UNC13B: variants seen among roughly 807,000 people sequenced by gnomAD.
UNC13B encodes protein unc-13 homolog B.
A neutral mutation model predicts 211.0 loss-of-function variants in UNC13B; 144 were observed. That is an observed-to-expected ratio of 0.68 (90% CI 0.60 to 0.78). The LOEUF is 0.78. Among genes scored for constraint, UNC13B ranks in the 30% least tolerant of loss-of-function variants. UNC13B has a pLI of 0.00. For synonymous variants in UNC13B, 709 were observed against 725.8 expected, an observed-to-expected ratio of 0.98 and a Z score of 0.37; for missense variants, 1,777 against 2,002.0, an observed-to-expected ratio of 0.89 and a Z score of 2.14.
intron 11 of UNC13B, among the ~76,000 whole-genome samples, chr9:35,328,638 TCCTTCCTTCCTTCCTTCCTTCCTTCCTC>T (rs1564139372): frequency 6.4e-5 from 6 of 94,122 alleles, no homozygotes; most frequent in African/African-American, 1.4e-4. Flanking sequence ...CTTCCTTCCT[TCCTTCCTTCCTTCCTTCCTTCCTTCCTC>T]CCTCCCTTCC....
At chr9:35,334,214 C>T (rs1831526683) in intron 11 of UNC13B, among the ~76,000 whole-genome samples, 1 of 152,216 alleles carries the variant, frequency 6.6e-6, no homozygotes, top group South Asian at 2.1e-4. Context: ...GATCTGCCCG[C>T]TCTGGCCTCC....
At chr9:35,382,132 AC>A (rs892514959) in intron 20 of UNC13B, among the ~76,000 whole-genome samples, 1 of 152,170 alleles carries the variant, frequency 6.6e-6, no homozygotes, top group African/African-American at 2.4e-5. Context: ...TATGGAGTTG[AC>A]CAGGACTCCT....
intron 1 of UNC13B, among the ~76,000 whole-genome samples, chr9:35,169,167 A>G (rs570319595): frequency 6.6e-6 from 1 of 152,324 alleles, no homozygotes; most frequent in South Asian, 2.1e-4. Context: ...CCTGGGCAAC[A>G]TAGCAAGACC....
Position 35,180,789 on chromosome 9 carries a change from G to A in UNC13B, c.22+18484G>A, listed in dbSNP as rs143582453. Among the ~76,000 whole-genome samples, 674 of 152,146 alleles carry A rather than the reference G, an allele frequency of 4.4e-3. 7 individuals carry two copies. The highest frequency in any genetic ancestry group is 0.015 in the African/African-American group (638 of 41,496). On this transcript the variant is annotated intron_variant, in intron 1 of 39. Coordinates refer to ENST00000635942, the MANE Select transcript of UNC13B (RefSeq NM_001371189.2). ...GAAATCAATTAAGTGGGTGACCAGCGTTAGGGGAAAAAGATACAGAGTTTT... is the reference window on the plus strand; with the variant it reads ...GAAATCAATTAAGTGGGTGACCAGCATTAGGGGAAAAAGATACAGAGTTTT...
intron 11 of UNC13B, among the ~76,000 whole-genome samples, chr9:35,341,553 C>T (rs983031998): frequency 1.3e-5 from 2 of 152,104 alleles, no homozygotes; most frequent in Non-Finnish European, 2.9e-5. Context: ...AGACTAGGAG[C>T]TCCTGAAAGT....
chr9:35,261,843 A>G (rs1403758931), intron 7 of UNC13B, among the ~76,000 whole-genome samples: 1 of 152,034 alleles, frequency 6.6e-6, no homozygotes, highest in Non-Finnish European at 1.5e-5. Flanking sequence ...TTTAATTTTT[A>G]GCTCCCACAA....
intron 11 of UNC13B, among the ~76,000 whole-genome samples, chr9:35,363,871 A>G (rs1833593650): frequency 6.6e-6 from 1 of 152,156 alleles, no homozygotes; most frequent in African/African-American, 2.4e-5. Context: ...TTGGGATTGC[A>G]GTCATGGTTT....
In UNC13B at chr9:35,381,921, G is replaced by A. The variant is rs139783264; in HGVS notation, c.10655+202G>A. 9.0e-3 allele frequency among the ~76,000 whole-genome samples: 1,365 copies of A among 152,286 alleles called. 8 individuals carry two copies. The highest frequency in any genetic ancestry group is 0.016 in the Non-Finnish European group (1,111 of 68,004). Reference sequence around the variant, plus strand: ...AAGAATGTTGTAACTCACAGAAAAGGTATTTCTGTCTGCCTCAGAGTTGAG... The same window carrying A: ...AAGAATGTTGTAACTCACAGAAAAGATATTTCTGTCTGCCTCAGAGTTGAG... On this transcript the variant is annotated intron_variant, in intron 20 of 39. Coordinates refer to ENST00000635942, the MANE Select transcript of UNC13B (RefSeq NM_001371189.2).
At chr9:35,341,938 A>G in intron 11 of UNC13B, 11 of 985,600 alleles carry the variant, frequency 1.1e-5, no homozygotes, top group Non-Finnish European at 8.4e-6. Context: ...TTCCACATCC[A>G]GTTGAAGTTT....
intron 1 of UNC13B, among the ~76,000 whole-genome samples, chr9:35,224,983 C>G (rs967481505): frequency 6.6e-6 from 1 of 150,916 alleles, no homozygotes; most frequent in Non-Finnish European, 1.5e-5. Flanking sequence ...ATTCAACATC[C>G]CTTCATCATA....
chr9:35,404,126 G>T lies in UNC13B; in HGVS notation c.*93G>T. On this transcript the variant is annotated 3_prime_UTR_variant, in exon 40 of 40. Transcript: ENST00000635942. ...GTGTAACCGGCTTAGGGTCTTTGCAGTCAAGAGGCTGACCCCTTCAGTTAA... is the reference window on the plus strand; with the variant it reads ...GTGTAACCGGCTTAGGGTCTTTGCATTCAAGAGGCTGACCCCTTCAGTTAA... 6.7e-7 allele frequency: 1 copy of T among 1,484,930 alleles called. No homozygotes were observed. Among genetic ancestry groups the T allele is most frequent in the Non-Finnish European group, 9.0e-7 (1 of 1,111,034 alleles). 92.0% of individuals were successfully genotyped at this position (1,484,930 alleles called of 1,614,324 possible).
chr9:35,172,907 G>A (rs1392552123), intron 1 of UNC13B, among the ~76,000 whole-genome samples: 2 of 152,126 alleles, frequency 1.3e-5, no homozygotes, highest in Non-Finnish European at 2.9e-5. Flanking sequence ...GGAAATATAG[G>A]TTTCCAAAAA....
chr9:35,381,576 A>C lies in UNC13B; in HGVS notation c.10512A>C (p.Thr3504=). 6.2e-7 allele frequency: 1 copy of C among 1,613,902 alleles called. No homozygotes were observed. The highest frequency in any genetic ancestry group is 8.5e-7 in the Non-Finnish European group (1 of 1,179,848). ...TGCAGAATCTTTTCCATTACCTCAC[A>C]GACATTCAGGGCAGTGGAGGAGTCC... The part of the protein sequence containing the change: ...CLHENLFHYL[T]DIQGSGGVRI... The change falls in exon 20 of 40, where the codon ACA becomes ACC. Residue 3504 remains threonine (T), a synonymous_variant. Coordinates refer to ENST00000635942, the MANE Select transcript of UNC13B (RefSeq NM_001371189.2).
At chr9:35,313,864 T>C in intron 10 of UNC13B, 35 bp from the exon 11 acceptor site, 1 of 1,562,292 alleles carries the variant, frequency 6.4e-7, no homozygotes, top group Non-Finnish European at 8.8e-7. Flanking sequence ...TGGCCTTGGC[T>C]ATTTTTAAGA....
intron 18 of UNC13B, 56 bp downstream of exon 18, chr9:35,380,695 G>T: frequency 6.2e-7 from 1 of 1,606,104 alleles, no homozygotes; most frequent in Non-Finnish European, 8.5e-7. Context: ...AAGGGGACCT[G>T]GGAATAGTCC....
chr9:35,358,702 T>C (rs1226723267), intron 11 of UNC13B, among the ~76,000 whole-genome samples: 1 of 150,108 alleles, frequency 6.7e-6, no homozygotes, highest in African/African-American at 2.5e-5. Context: ...TTTTTTTTTT[T>C]TTTTTTTTTG....
At chr9:35,201,343 G>A (rs1344300939) in intron 1 of UNC13B, among the ~76,000 whole-genome samples, 6 of 152,178 alleles carry the variant, frequency 3.9e-5, no homozygotes, top group Non-Finnish European at 7.4e-5. Flanking sequence ...GATGATGCTG[G>A]CCTCATAAAA....
chr9:35,328,655 CCTT>C (rs1831178368), intron 11 of UNC13B, among the ~76,000 whole-genome samples: 1 of 108,680 alleles, frequency 9.2e-6, no homozygotes, highest in East Asian at 4.1e-4. Flanking sequence ...TTCCTTCCTT[CCTT>C]CCTTCCTCCC....
intron 1 of UNC13B, among the ~76,000 whole-genome samples, chr9:35,214,194 G>T (rs1824128117): frequency 6.6e-6 from 1 of 152,160 alleles, no homozygotes; most frequent in African/African-American, 2.4e-5. Context: ...TTGGGAGGTG[G>T]AGATGAGTGG....
Sources: allele counts gnomAD v4.1 joint callset (sites outside exome capture counted in the v4.1 genomes callset), GRCh38; gene constraint gnomAD v4.1.1; transcripts MANE v1.5; gene names NCBI Gene and HGNC (gene_info 2026-07-23, HGNC 2026-07-21).